The following OTUD1 variants were observed in gnomAD, a reference collection of about 807,000 sequenced individuals.
The protein encoded by OTUD1 is OTU domain-containing protein 1.
In OTUD1, 15 loss-of-function variants were observed where a neutral mutation model predicts 30.0. The observed-to-expected ratio is 0.50, with a 90% CI of 0.33 to 0.77. OTUD1 has a LOEUF of 0.77. Among genes scored for constraint, OTUD1 ranks in the 30% least tolerant of loss-of-function variants. OTUD1 has a pLI of 0.02. For missense variants in OTUD1, 796 were observed against 697.8 expected (o/e 1.14, Z -1.59); for synonymous variants, 381 against 326.3 (o/e 1.17, Z -1.81).
At position 23,439,414 on chromosome 10, in the gene OTUD1, C is replaced by T. The variant is rs1016047184; in HGVS notation, c.-44C>T. 1.4e-4 allele frequency: 170 copies of T among 1,239,944 alleles called. 1 individual carries two copies. Among genetic ancestry groups the T allele is most frequent in the East Asian group, 1.1e-3 (32 of 29,612 alleles). The allele number at this position is 1,239,944 out of a possible 1,614,324, so 76.8% of individuals were successfully genotyped here. On this transcript the variant is annotated 5_prime_UTR_variant, in exon 1 of 1. Coordinates refer to ENST00000376495, the MANE Select transcript of OTUD1 (RefSeq NM_001145373.3). ...GGCCCGGAGGGTGTGTCCCCCGCTC[C>T]GGGGCTCGCCGCGCCTATAAGGGGC...
chr10:23,441,999 A>G lies in OTUD1; in HGVS notation c.*1096A>G, dbSNP rs939388048. 1 of 167,016 alleles carries G rather than the reference A, an allele frequency of 6.0e-6. No homozygotes were observed. Among genetic ancestry groups the G allele is most frequent in the African/African-American group, 2.4e-5 (1 of 41,462 alleles). 10.3% of individuals were successfully genotyped at this position (167,016 alleles called of 1,614,324 possible). A position where few individuals can be genotyped will look rare whatever the true frequency, so the allele number is the denominator to read the frequency against. On this transcript the variant is annotated 3_prime_UTR_variant, in exon 1 of 1. Transcript: ENST00000376495. Reference sequence around the variant, plus strand: ...TTTGCTGGGTCAAACAATGTTTCCAACTTAAAATCAATCTCATTGCCACTT... The same window carrying G: ...TTTGCTGGGTCAAACAATGTTTCCAGCTTAAAATCAATCTCATTGCCACTT...
In OTUD1 at chr10:23,440,871, A is replaced by G. The variant is rs1847120162; in HGVS notation, c.1414A>G (p.Lys472Glu). The G allele has an allele frequency of 3.9e-6, 6 of 1,551,768 alleles. No individual in the cohort carries two copies. Among genetic ancestry groups the G allele is most frequent in the Non-Finnish European group, 4.4e-6 (5 of 1,146,938 alleles). Residue 472 changes from lysine (K) to glutamate (E), a missense_variant, in exon 1 of 1, where the codon AAA (lysine) becomes GAA (glutamate). Transcript: ENST00000376495. Reference protein sequence around the residue: ...LAKSMAISLSKMYIEQNACS With the variant: ...LAKSMAISLSEMYIEQNACS ...CAAATCTATGGCCATATCCTTGTCT[A>G]AAATGTATATTGAACAAAATGCATG...
In OTUD1 at chr10:23,441,748, GA is replaced by G. The variant is rs1847131577; in HGVS notation, c.*847del. ...TTACATTTGTCACGTTGTTGTAAGA[GA>G]ATGTTAACATGGTATAAAACTCTGT... On this transcript the variant is annotated 3_prime_UTR_variant, in exon 1 of 1. Coordinates refer to ENST00000376495, the MANE Select transcript of OTUD1 (RefSeq NM_001145373.3). The G allele has an allele frequency of 6.0e-6, 1 of 167,002 alleles. No individual in the cohort carries two copies. Among genetic ancestry groups the G allele is most frequent in the Admixed American group, 6.6e-5 (1 of 15,264 alleles). The allele number at this position is 167,002 out of a possible 1,614,324, so 10.3% of individuals were successfully genotyped here.
rs1056985292 is a variant in OTUD1, at chr10:23,441,817, C to T, written c.*914C>T. The T allele has an allele frequency of 1.2e-5, 2 of 167,050 alleles. No homozygotes were observed. Among genetic ancestry groups the T allele is most frequent in the Non-Finnish European group, 2.9e-5 (2 of 68,114 alleles). 10.3% of individuals were successfully genotyped at this position (167,050 alleles called of 1,614,324 possible). A position where few individuals can be genotyped will look rare whatever the true frequency, so the allele number is the denominator to read the frequency against. The stretch of plus-strand genomic sequence containing the variant: ...GCTTTATATAACTTCTTGAATCCAG[C>T]TAAGAGATTTATAAACTAATGGCAT... On this transcript the variant is annotated 3_prime_UTR_variant, in exon 1 of 1. Transcript: ENST00000376495.
At position 23,441,067 on chromosome 10, in the gene OTUD1, G is replaced by A; in HGVS notation, c.*164G>A. ...TTTTGAATGTTTTCTCAGAGCTGGAGGTTGCTGGGCACCTAAATGATGTTT... is the reference window on the plus strand; with the variant it reads ...TTTTGAATGTTTTCTCAGAGCTGGAAGTTGCTGGGCACCTAAATGATGTTT... On this transcript the variant is annotated 3_prime_UTR_variant, in exon 1 of 1. Coordinates refer to ENST00000376495, the MANE Select transcript of OTUD1 (RefSeq NM_001145373.3). 2 of 769,426 alleles carry A rather than the reference G, an allele frequency of 2.6e-6. No individual in the cohort carries two copies. The highest frequency in any genetic ancestry group is 2.1e-6 in the Non-Finnish European group (1 of 484,292). 47.7% of individuals were successfully genotyped at this position (769,426 alleles called of 1,614,324 possible). A position where few individuals can be genotyped will look rare whatever the true frequency, so the allele number is the denominator to read the frequency against.
In OTUD1 at chr10:23,439,599, C is replaced by A; in HGVS notation, c.142C>A (p.Pro48Thr). ...GGGAGCCGCCGGCGCCGCGCCCGAG[C>A]CCGAGACCGGTGAGTGCCAGCCCGC... ...PPGAAGAAPE[P>T]ETGECQPAAA... The change falls in exon 1 of 1, where the codon CCC (proline) becomes ACC (threonine). Residue 48 changes from proline to threonine, a missense_variant. Physicochemically the swap from Pro to Thr is conservative, Grantham distance 38. Transcript: ENST00000376495. 7.3e-7 allele frequency: 1 copy of A among 1,364,692 alleles called. No individual in the cohort carries two copies. Among genetic ancestry groups the A allele is most frequent in the Non-Finnish European group, 9.5e-7 (1 of 1,053,954 alleles). 84.5% of individuals were successfully genotyped at this position (1,364,692 alleles called of 1,614,324 possible).
In OTUD1 at chr10:23,441,530, T is replaced by G. The variant is rs570741636; in HGVS notation, c.*627T>G. On this transcript the variant is annotated 3_prime_UTR_variant, in exon 1 of 1. Transcript: ENST00000376495. ...GAAATGGCGAATCTTTTAAAGAAAA[T>G]TACTTAATGGAAGGTTGTGGGAAGG... 1.2e-5 allele frequency: 2 copies of G among 167,110 alleles called. No homozygotes were observed. Among genetic ancestry groups the G allele is most frequent in the Admixed American group, 1.3e-4 (2 of 15,294 alleles). The allele number at this position is 167,110 out of a possible 1,614,324, so 10.4% of individuals were successfully genotyped here.
In OTUD1 at chr10:23,440,657, G is replaced by A. The variant is rs1400907389; in HGVS notation, c.1200G>A (p.Leu400=). 1.3e-6 allele frequency: 2 copies of A among 1,551,802 alleles called. No homozygotes were observed. The highest frequency in any genetic ancestry group is 4.9e-5 in the East Asian group (2 of 40,922). ...VNIHLTTGGR[L]ESPTVSTMIH... ...TCCATTTAACTACTGGAGGGAGGCTGGAGAGTCCCACGGTGTCTACCATGA... is the reference window on the plus strand; with the variant it reads ...TCCATTTAACTACTGGAGGGAGGCTAGAGAGTCCCACGGTGTCTACCATGA... The change falls in exon 1 of 1, where the codon CTG becomes CTA. Residue 400 remains leucine, a synonymous_variant. Coordinates refer to ENST00000376495, the MANE Select transcript of OTUD1 (RefSeq NM_001145373.3).
chr10:23,439,454 G>A lies in OTUD1; in HGVS notation c.-4G>A, dbSNP rs1026403315. The A allele has an allele frequency of 3.8e-6, 5 of 1,298,750 alleles. No individual in the cohort carries two copies. The highest frequency in any genetic ancestry group is 3.2e-5 in the East Asian group (1 of 31,082). 80.5% of individuals were successfully genotyped at this position (1,298,750 alleles called of 1,614,324 possible). A position where few individuals can be genotyped will look rare whatever the true frequency, so the allele number is the denominator to read the frequency against. Reference sequence around the variant, plus strand: ...CTATAAGGGGCCGAGCGGCGGGCAGGGACATGCAGCTCTACAGCAGCGTCT... The same window carrying A: ...CTATAAGGGGCCGAGCGGCGGGCAGAGACATGCAGCTCTACAGCAGCGTCT... On this transcript the variant is annotated 5_prime_UTR_variant, in exon 1 of 1. Coordinates refer to ENST00000376495, the MANE Select transcript of OTUD1 (RefSeq NM_001145373.3).
rs1364735823 is a variant in OTUD1 at position 23,440,707 on chromosome 10, C to G, written c.1250C>G (p.Ser417Cys). The change falls in exon 1 of 1, where the codon TCC becomes TGC. Residue 417 changes from serine to cysteine, a missense_variant. Transcript: ENST00000376495. The part of the protein sequence containing the change: ...TMIHYLGPED[S>C]LRPSIWLSWL... Reference sequence around the variant, plus strand: ...ATTCATTATTTGGGCCCAGAGGATTCCCTGAGGCCTAGTATTTGGCTCAGT... The same window carrying G: ...ATTCATTATTTGGGCCCAGAGGATTGCCTGAGGCCTAGTATTTGGCTCAGT... 1.3e-6 allele frequency: 2 copies of G among 1,551,812 alleles called. No homozygotes were observed. The highest frequency in any genetic ancestry group is 2.4e-5 in the East Asian group (1 of 40,940).
chr10:23,440,726 G>C lies in OTUD1; in HGVS notation c.1269G>C (p.Trp423Cys). 1 of 1,551,988 alleles carries C rather than the reference G, an allele frequency of 6.4e-7. No individual in the cohort carries two copies. ...GPEDSLRPSI[W>C]LSWLSNGHYD... Reference sequence around the variant, plus strand: ...AGGATTCCCTGAGGCCTAGTATTTGGCTCAGTTGGCTCAGTAACGGACACT... The same window carrying C: ...AGGATTCCCTGAGGCCTAGTATTTGCCTCAGTTGGCTCAGTAACGGACACT... Residue 423 changes from tryptophan to cysteine, a missense_variant, in exon 1 of 1, where the codon TGG (tryptophan) becomes TGC (cysteine). Transcript: ENST00000376495.
In OTUD1 at chr10:23,442,114, T is replaced by C; in HGVS notation, c.*1211T>C. The C allele has an allele frequency of 6.0e-6, 1 of 167,166 alleles. No individual in the cohort carries two copies. The allele number at this position is 167,166 out of a possible 1,614,324, so 10.4% of individuals were successfully genotyped here. A position where few individuals can be genotyped will look rare whatever the true frequency, so the allele number is the denominator to read the frequency against. On this transcript the variant is annotated 3_prime_UTR_variant, in exon 1 of 1. Coordinates refer to ENST00000376495, the MANE Select transcript of OTUD1 (RefSeq NM_001145373.3). ...GTGATTTTTTTGTACAAAACTGTATTTGTACAATAGAGCAATTCCCAGCTG... is the reference window on the plus strand; with the variant it reads ...GTGATTTTTTTGTACAAAACTGTATCTGTACAATAGAGCAATTCCCAGCTG...
Position 23,440,795 on chromosome 10 carries a change from C to G in OTUD1, c.1338C>G (p.Asp446Glu), listed in dbSNP as rs1330769952. The change falls in exon 1 of 1, where the codon GAC (aspartate) becomes GAG (glutamate). Residue 446 changes from aspartate to glutamate, a missense_variant. Physicochemically the swap from Asp to Glu is conservative, Grantham distance 45. Coordinates refer to ENST00000376495, the MANE Select transcript of OTUD1 (RefSeq NM_001145373.3). ...FDHSYPNPEY[D>E]NWCKQTQVQR... is the part of the protein sequence containing the mutation. ...ACTCCTATCCTAACCCAGAGTACGA[C>G]AACTGGTGCAAACAAACTCAAGTGC... 6.4e-7 allele frequency: 1 copy of G among 1,552,072 alleles called. No homozygotes were observed. The highest frequency in any genetic ancestry group is 1.4e-5 in the African/African-American group (1 of 73,044).
rs972128945 is a variant in OTUD1 at position 23,439,250 on chromosome 10, C to T, written c.-208C>T. Among the ~76,000 whole-genome samples the T allele has an allele frequency of 6.6e-6, 1 of 151,598 alleles. No individual in the cohort carries two copies. The highest frequency in any genetic ancestry group is 6.6e-5 in the Admixed American group (1 of 15,238). ...TCGAGCTCGCGTCCCGTCCCCGCCC[C>T]CCTGCGCTGTGGCGCAGCAGGAATT... On this transcript the variant is annotated 5_prime_UTR_variant, in exon 1 of 1. Transcript: ENST00000376495.
At position 23,441,874 on chromosome 10, in the gene OTUD1, CAGG is replaced by C. The variant is rs1028915353; in HGVS notation, c.*974_*976del. ...CTGGAGCCAACCTTGGCAGTTATAGCAGGAGAACACTGTCTTAATATTTCTTTA... is the reference window on the plus strand; with the variant it reads ...CTGGAGCCAACCTTGGCAGTTATAGCAGAACACTGTCTTAATATTTCTTTA... On this transcript the variant is annotated 3_prime_UTR_variant, in exon 1 of 1. Transcript: ENST00000376495. 1 of 167,022 alleles carries C rather than the reference CAGG, an allele frequency of 6.0e-6. No individual in the cohort carries two copies. The highest frequency in any genetic ancestry group is 1.5e-5 in the Non-Finnish European group (1 of 68,112). 10.3% of individuals were successfully genotyped at this position (167,022 alleles called of 1,614,324 possible). A position where few individuals can be genotyped will look rare whatever the true frequency, so the allele number is the denominator to read the frequency against.
Position 23,439,521 on chromosome 10 carries a change from G to T in OTUD1, c.64G>T (p.Ala22Ser). ...PAGAPGPTAA[A>S]PAPPAAATPF... ...CGGGGCCCCGGGTCCCACGGCCGCC[G>T]CCCCCGCGCCACCCGCCGCCGCTAC... The change falls in exon 1 of 1, where the codon GCC (alanine) becomes TCC (serine). Residue 22 changes from alanine (A) to serine (S), a missense_variant. Coordinates refer to ENST00000376495, the MANE Select transcript of OTUD1 (RefSeq NM_001145373.3). 7.3e-7 allele frequency: 1 copy of T among 1,366,154 alleles called. No homozygotes were observed. Among genetic ancestry groups the T allele is most frequent in the Non-Finnish European group, 9.4e-7 (1 of 1,059,492 alleles). The allele number at this position is 1,366,154 out of a possible 1,614,324, so 84.6% of individuals were successfully genotyped here.
chr10:23,440,853 A>C lies in OTUD1; in HGVS notation c.1396A>C (p.Met466Leu), dbSNP rs1463655423. 5.2e-6 allele frequency: 8 copies of C among 1,551,848 alleles called. No individual in the cohort carries two copies. The highest frequency in any genetic ancestry group is 7.0e-6 in the Non-Finnish European group (8 of 1,147,026). The part of the protein sequence containing the change: ...RKRDEELAKS[M>L]AISLSKMYIE... The stretch of plus-strand genomic sequence containing the variant: ...ACGCGACGAAGAACTTGCCAAATCT[A>C]TGGCCATATCCTTGTCTAAAATGTA... Residue 466 changes from methionine (M) to leucine (L), a missense_variant, in exon 1 of 1, where the codon ATG becomes CTG. By Grantham distance (15) the Met-to-Leu change is conservative. Coordinates refer to ENST00000376495, the MANE Select transcript of OTUD1 (RefSeq NM_001145373.3).
At position 23,439,312 on chromosome 10, in the gene OTUD1, C is replaced by T. The variant is rs1847099029; in HGVS notation, c.-146C>T. The T allele has an allele frequency of 1.5e-6, 1 of 667,886 alleles. No individual in the cohort carries two copies. The allele number at this position is 667,886 out of a possible 1,614,324, so 41.4% of individuals were successfully genotyped here. ...CGGGCGCTATTCGCGGCTGCTGACT[C>T]GCGGCGGCCGGCTGCCTTTCGCTCA... On this transcript the variant is annotated 5_prime_UTR_variant, in exon 1 of 1. Coordinates refer to ENST00000376495, the MANE Select transcript of OTUD1 (RefSeq NM_001145373.3).
Position 23,439,531 on chromosome 10 carries a change from C to T in OTUD1, c.74C>T (p.Pro25Leu). ...APGPTAAAPA[P>L]PAAATPFKVS... The stretch of plus-strand genomic sequence containing the variant: ...GGTCCCACGGCCGCCGCCCCCGCGC[C>T]ACCCGCCGCCGCTACCCCCTTCAAG... Residue 25 changes from proline (P) to leucine (L), a missense_variant, in exon 1 of 1, where the codon CCA (proline) becomes CTA (leucine). Coordinates refer to ENST00000376495, the MANE Select transcript of OTUD1 (RefSeq NM_001145373.3). 1 of 1,365,226 alleles carries T rather than the reference C, an allele frequency of 7.3e-7. No individual in the cohort carries two copies. The highest frequency in any genetic ancestry group is 9.4e-7 in the Non-Finnish European group (1 of 1,059,200). The allele number at this position is 1,365,226 out of a possible 1,614,324, so 84.6% of individuals were successfully genotyped here.
Sources: allele counts gnomAD v4.1 joint callset (sites outside exome capture counted in the v4.1 genomes callset), GRCh38; gene constraint gnomAD v4.1.1; transcripts MANE v1.5; gene names NCBI Gene and HGNC (gene_info 2026-07-23, HGNC 2026-07-21).